DENR: variants seen among roughly 807,000 people sequenced by gnomAD.
DENR encodes the protein density-regulated protein.
DENR carries 6 observed loss-of-function variants against 30.6 expected under a neutral mutation model. The ratio of observed to expected loss-of-function variants is 0.20; its 90% CI spans 0.11 to 0.39. DENR has a LOEUF of 0.39. Ranked by LOEUF, DENR falls within the 10% of genes least tolerant of loss-of-function variation. DENR has a pLI of 1.00. For missense variants in DENR, 141 were observed against 230.9 expected, an observed-to-expected ratio of 0.61 and a Z score of 2.52; for synonymous variants, 78 against 72.1, an observed-to-expected ratio of 1.08 and a Z score of -0.41.
intron 5 of DENR, among the ~76,000 whole-genome samples, chr12:122,766,797 T>A (rs1429777884): frequency 6.6e-6 from 1 of 152,188 alleles, no homozygotes; most frequent in Non-Finnish European, 1.5e-5. Flanking sequence ...TTGGCACTGC[T>A]TTACTTTCAA....
rs961694566 is a variant in DENR at position 122,770,302 on chromosome 12, T to C, written c.*1224T>C. 4.4e-6 allele frequency: 1 copy of C among 229,200 alleles called. No individual in the cohort carries two copies. The highest frequency in any genetic ancestry group is 8.3e-6 in the Non-Finnish European group (1 of 119,920). 14.2% of individuals were successfully genotyped at this position (229,200 alleles called of 1,614,324 possible). On this transcript the variant is annotated 3_prime_UTR_variant, in exon 8 of 8. Transcript: ENST00000280557. The stretch of plus-strand genomic sequence containing the variant: ...AATTGGGAAATGGTTAAAGAAGTGA[T>C]GGTGCATTGTGTGGTAGAATATTAT...
chr12:122,753,671 G>A, intron 1 of DENR, 22 bp from the exon 2 acceptor site: 1 of 1,568,956 alleles, frequency 6.4e-7, no homozygotes, highest in Non-Finnish European at 8.8e-7. Context: ...TAGTGAGGGT[G>A]TGTTATTTTC....
intron 4 of DENR, among the ~76,000 whole-genome samples, chr12:122,763,605 G>A (rs531526695): frequency 7.2e-5 from 11 of 152,232 alleles, no homozygotes; most frequent in South Asian, 4.1e-4. Context: ...GGAGGCTGAG[G>A]CAGAAGAATC....
At chr12:122,760,579 A>G (rs1177387163) in intron 2 of DENR, among the ~76,000 whole-genome samples, 1 of 148,904 alleles carries the variant, frequency 6.7e-6, no homozygotes, top group Non-Finnish European at 1.5e-5. Flanking sequence ...AAAATACAAA[A>G]AATTAGCCGG....
At chr12:122,763,123 C>G in intron 4 of DENR, 194 bp downstream of exon 4, 1 of 479,036 alleles carries the variant, frequency 2.1e-6, no homozygotes, top group South Asian at 2.3e-5. Context: ...GTAAATGGGC[C>G]GGGCGCAGTG....
rs187709980 is a variant in DENR at position 122,760,458 on chromosome 12, G to A, written c.107-1729G>A. ...TAAACATAAAAACAAAAGGCCGGGC[G>A]CGGTGGCTCACTCCTGTAATCCCAG... On this transcript the variant is annotated intron_variant, in intron 2 of 7. Transcript: ENST00000280557. Among the ~76,000 whole-genome samples the A allele has an allele frequency of 1.6e-3, 251 of 152,242 alleles. 2 individuals are homozygous for A. Among genetic ancestry groups the A allele is most frequent in the African/African-American group, 5.9e-3 (243 of 41,538 alleles).
chr12:122,758,955 C>T (rs575738862), intron 2 of DENR, among the ~76,000 whole-genome samples: 1 of 151,834 alleles, frequency 6.6e-6, no homozygotes, highest in Non-Finnish European at 1.5e-5. Context: ...AGCGATTCTC[C>T]TGCCTCAGCC....
intron 4 of DENR, among the ~76,000 whole-genome samples, chr12:122,763,604 G>A (rs1300915021): frequency 6.6e-6 from 1 of 152,140 alleles, no homozygotes; most frequent in Non-Finnish European, 1.5e-5. Flanking sequence ...GGGAGGCTGA[G>A]GCAGAAGAAT....
chr12:122,754,159 C>T (rs1034047673), intron 2 of DENR: 24 of 290,106 alleles, frequency 8.3e-5, no homozygotes, highest in Non-Finnish European at 1.6e-4. Context: ...AGGTGGGGAA[C>T]GGCGTCCCAG....
At chr12:122,753,839 C>T (rs751220390) in intron 2 of DENR, 32 bp downstream of exon 2, 2 of 1,503,992 alleles carry the variant, frequency 1.3e-6, no homozygotes, top group South Asian at 2.3e-5. Flanking sequence ...ATGACTTTTA[C>T]TCACTATACT....
Position 122,769,246 on chromosome 12 carries a change from G to GTA in DENR, c.*179_*180dup, listed in dbSNP as rs549049409. ...TATATACATGTGTGTATGTATACAT[G>GTA]TATATATATATACATACACATATAT... On this transcript the variant is annotated 3_prime_UTR_variant, in exon 8 of 8. Coordinates refer to ENST00000280557, the MANE Select transcript of DENR (RefSeq NM_003677.5). 6.5e-3 allele frequency: 3,594 copies of GTA among 552,850 alleles called. 177 individuals are homozygous for GTA. Among genetic ancestry groups the GTA allele is most frequent in the South Asian group, 0.013 (197 of 15,600 alleles). 34.2% of individuals were successfully genotyped at this position (552,850 alleles called of 1,614,324 possible). A position where few individuals can be genotyped will look rare whatever the true frequency, so the allele number is the denominator to read the frequency against.
At chr12:122,753,599 C>A in intron 1 of DENR, 94 bp from the exon 2 acceptor site, 2 of 910,100 alleles carry the variant, frequency 2.2e-6, no homozygotes, top group Non-Finnish European at 1.8e-6. Flanking sequence ...CTTGAAACAG[C>A]TTTGGGGTGG....
intron 6 of DENR, among the ~76,000 whole-genome samples, 178 bp from the exon 7 acceptor site, chr12:122,768,604 G>A (rs1267211678): frequency 6.6e-6 from 1 of 152,124 alleles, no homozygotes; most frequent in Non-Finnish European, 1.5e-5. Context: ...ATTTGACCTT[G>A]AAAGTGTAAA....
chr12:122,756,740 T>C (rs1157009977), intron 2 of DENR, among the ~76,000 whole-genome samples: 2 of 152,172 alleles, frequency 1.3e-5, no homozygotes, highest in African/African-American at 2.4e-5. Context: ...AGCCGGAAAT[T>C]ATGGCAACGT....
At chr12:122,753,889 T>G in intron 2 of DENR, 82 bp downstream of exon 2, 1 of 1,140,686 alleles carries the variant, frequency 8.8e-7, no homozygotes, top group South Asian at 1.3e-5. Context: ...TGGTAAGCTT[T>G]CTTCCCCATC....
At chr12:122,765,912 C>T (rs1012327025) in intron 5 of DENR, among the ~76,000 whole-genome samples, 2 of 152,192 alleles carry the variant, frequency 1.3e-5, no homozygotes, top group African/African-American at 4.8e-5. Flanking sequence ...CTTTGTTTTA[C>T]GGCTGTTGCA....
At chr12:122,755,329 C>T (rs1878519233) in intron 2 of DENR, among the ~76,000 whole-genome samples, 1 of 152,158 alleles carries the variant, frequency 6.6e-6, no homozygotes. Context: ...CTTGTAATCC[C>T]AGCACTTTGG....
At position 122,770,997 on chromosome 12, in the gene DENR, A is replaced by G. The variant is rs143399969; in HGVS notation, c.*1919A>G. Reference sequence around the variant, plus strand: ...ACAGTTCTTAGCAAATGCAGTTACAATCCATAGATAGCCAGCAGTGGATGT... The same window carrying G: ...ACAGTTCTTAGCAAATGCAGTTACAGTCCATAGATAGCCAGCAGTGGATGT... On this transcript the variant is annotated 3_prime_UTR_variant, in exon 8 of 8. Transcript: ENST00000280557. 402 of 351,180 alleles carry G rather than the reference A, an allele frequency of 1.1e-3. No individual in the cohort carries two copies. The highest frequency in any genetic ancestry group is 2.3e-3 in the Middle Eastern group (3 of 1,320). 21.8% of individuals were successfully genotyped at this position (351,180 alleles called of 1,614,324 possible).
In DENR at chr12:122,770,435, CT is replaced by C. The variant is rs1179332416; in HGVS notation, c.*1358del. On this transcript the variant is annotated 3_prime_UTR_variant, in exon 8 of 8. Coordinates refer to ENST00000280557, the MANE Select transcript of DENR (RefSeq NM_003677.5). ...TAGACATTTATCGTCATCATCTGCT[CT>C]GAGTGGAAGGCCGTTCAGAGAGGCT... 5.1e-5 allele frequency: 20 copies of C among 394,532 alleles called. No individual in the cohort carries two copies. The highest frequency in any genetic ancestry group is 4.9e-5 in the Non-Finnish European group (11 of 224,060). The allele number at this position is 394,532 out of a possible 1,614,324, so 24.4% of individuals were successfully genotyped here.
Sources: allele counts gnomAD v4.1 joint callset (sites outside exome capture counted in the v4.1 genomes callset), GRCh38; gene constraint gnomAD v4.1.1; transcripts MANE v1.5; gene names NCBI Gene and HGNC (gene_info 2026-07-23, HGNC 2026-07-21).